MED23: variants seen among roughly 807,000 people sequenced by gnomAD.
The protein encoded by MED23 is mediator of RNA polymerase II transcription subunit 23.
Under a neutral mutation model 163.9 loss-of-function variants are expected in MED23, and 105 were observed. The observed-to-expected ratio is 0.64, with a 90% CI of 0.55 to 0.75. The LOEUF (loss-of-function observed/expected upper bound fraction) is 0.75, where lower values mean the gene tolerates loss of function less well. Ranked by LOEUF, MED23 falls within the 30% of genes least tolerant of loss-of-function variation. The pLI, the probability that MED23 is intolerant of heterozygous loss-of-function variation, is 0.00. For missense variants in MED23, 1,054 were observed against 1,649.0 expected (o/e 0.64, Z 6.25); for synonymous variants, 561 against 565.6 (o/e 0.99, Z 0.12).
At chr6:131,582,408 A>C (rs577341524), downstream of MED23, among the ~76,000 whole-genome samples, 2 of 152,294 alleles carry the variant, frequency 1.3e-5, no homozygotes, top group East Asian at 1.9e-4. Context: ...CTGGGGCACA[A>C]AGTAGGTAAA....
intron 10 of MED23, among the ~76,000 whole-genome samples, chr6:131,612,643 C>T (rs1419402265): frequency 6.6e-6 from 1 of 152,028 alleles, no homozygotes; most frequent in Admixed American, 6.6e-5. Context: ...TAGTTAAAAC[C>T]TGTTTTAAGA....
intron 16 of MED23, 116 bp from the exon 17 acceptor site, chr6:131,602,497 A>G (rs1775558158): frequency 2.2e-6 from 2 of 930,104 alleles, no homozygotes; most frequent in African/African-American, 1.7e-5. Flanking sequence ...CTTTAAAAAA[A>G]CACTTTTGTG....
chr6:131,602,500 C>T, intron 16 of MED23, 119 bp from the exon 17 acceptor site: 1 of 889,170 alleles, frequency 1.1e-6, no homozygotes, highest in Non-Finnish European at 1.7e-6. Flanking sequence ...TAAAAAAACA[C>T]TTTTGTGTGA....
At chr6:131,574,376 C>A in intron 30 of MED23, 1 of 1,517,298 alleles carries the variant, frequency 6.6e-7, no homozygotes. Context: ...TTTGCTTCCC[C>A]TGGAAATCCT....
chr6:131,622,708 T>C (rs1777197233), intron 5 of MED23, among the ~76,000 whole-genome samples: 1 of 152,208 alleles, frequency 6.6e-6, no homozygotes, highest in Admixed American at 6.5e-5. Flanking sequence ...GTGTGATAAA[T>C]CATGATTTAA....
chr6:131,607,136 A>T (rs1775910460), intron 12 of MED23, among the ~76,000 whole-genome samples: 1 of 152,020 alleles, frequency 6.6e-6, no homozygotes. Flanking sequence ...ATTGTCCAAC[A>T]TTAACAAAAA....
Position 131,579,110 on chromosome 6 carries a change from G to C in MED23, c.4096-4815C>G, listed in dbSNP as rs1773782306. On this transcript the variant is annotated intron_variant, in intron 30 of 30. Transcript: ENST00000354577. Reference sequence around the variant, plus strand: ...AGTAACTCAAAACTTTTTAATTTTAGAGTGTGATGTGAAGGATTATGGGGA... The same window carrying C: ...AGTAACTCAAAACTTTTTAATTTTACAGTGTGATGTGAAGGATTATGGGGA... The C allele has an allele frequency of 1.9e-6, 3 of 1,613,962 alleles. No homozygotes were observed. The highest frequency in any genetic ancestry group is 1.1e-5 in the South Asian group (1 of 91,062).
At chr6:131,603,939 A>G (rs1775672444) in intron 15 of MED23, among the ~76,000 whole-genome samples, 2 of 152,094 alleles carry the variant, frequency 1.3e-5, no homozygotes, top group African/African-American at 4.8e-5. Flanking sequence ...TTTTCTTACC[A>G]CTTTACTTAA....
At chr6:131,600,425 G>C (rs1437177726) in intron 17 of MED23, among the ~76,000 whole-genome samples, 1 of 152,152 alleles carries the variant, frequency 6.6e-6, no homozygotes, top group African/African-American at 2.4e-5. Flanking sequence ...CAGAGTACCA[G>C]CGATAACAGT....
rs530791286 is a variant in MED23 at position 131,609,788 on chromosome 6, C to T, written c.1077+258G>A. Among the ~76,000 whole-genome samples, 16 of 149,680 alleles carry T rather than the reference C, an allele frequency of 1.1e-4. No homozygotes were observed. The South Asian group carries it at 3.1e-3, about 29-fold the overall frequency. ...AAGTATCCCCTCCTCTAGTGAGGTG[C>T]TCCTTGAGGATATTACAGTGCCTTT... is the stretch of plus-strand genomic sequence containing the variant. On this transcript the variant is annotated intron_variant, in intron 11 of 28. Transcript: ENST00000368068.
chr6:131,624,547 T>A (rs892077984), intron 4 of MED23, among the ~76,000 whole-genome samples: 1 of 152,176 alleles, frequency 6.6e-6, no homozygotes, highest in African/African-American at 2.4e-5. Context: ...AAACCATGAA[T>A]AATTTTAAAA....
chr6:131,603,128 C>T lies in MED23; in HGVS notation c.1833G>A (p.Arg611=), dbSNP rs1374448208. The part of the protein sequence containing the change: ...LHTLLEMFSY[R]MHHIQPHYRV... Reference sequence around the variant, plus strand: ...TGTAATGAGGCTGAATATGATGCATCCGGTAGCTAAACATCTCAAGGAGTG... The same window carrying T: ...TGTAATGAGGCTGAATATGATGCATTCGGTAGCTAAACATCTCAAGGAGTG... Residue 611 remains arginine, a synonymous_variant, in exon 16 of 29, where the codon CGG becomes CGA. Coordinates refer to ENST00000368068, the MANE Select transcript of MED23 (RefSeq NM_004830.4). The T allele has an allele frequency of 5.0e-6, 8 of 1,613,786 alleles. No homozygotes were observed. In the Admixed American group the frequency reaches 1.2e-4, roughly 24 times the overall value.
chr6:131,611,913 A>G (rs1776303418), intron 10 of MED23, among the ~76,000 whole-genome samples: 1 of 152,162 alleles, frequency 6.6e-6, no homozygotes, highest in Non-Finnish European at 1.5e-5. Flanking sequence ...AGTATTAGCT[A>G]TTTAAGAAAA....
Position 131,618,402 on chromosome 6 carries a change from C to G in MED23, c.780+5G>C. 6.3e-7 allele frequency: 1 copy of G among 1,595,308 alleles called. No individual in the cohort carries two copies. Among genetic ancestry groups the G allele is most frequent in the Non-Finnish European group, 8.6e-7 (1 of 1,163,128 alleles). ...CTAAAAGTGCCATTATATTTAGCAA[C>G]ATACCTTATCATATGGCAAAAGGCC... is the stretch of plus-strand genomic sequence containing the variant. On this transcript the variant is annotated splice_donor_5th_base_variant and intron_variant, in intron 9 of 28. Coordinates refer to ENST00000368068, the MANE Select transcript of MED23 (RefSeq NM_004830.4).
Position 131,607,956 on chromosome 6 carries a change from A to G in MED23, c.1193T>C (p.Leu398Pro). The G allele has an allele frequency of 1.2e-6, 2 of 1,613,906 alleles. No homozygotes were observed. The highest frequency in any genetic ancestry group is 1.7e-6 in the Non-Finnish European group (2 of 1,179,896). ...TTTTTCTGGGTATAGCAAGTCGAAG[A>G]GCTTCATCACAGGGAGAAAATCAGC... is the stretch of plus-strand genomic sequence containing the variant. ...ALADFLPVMK[L>P]FDLLYPEKEY... The change falls in exon 12 of 29, where the codon CTC (leucine) becomes CCC (proline). Residue 398 changes from leucine (L) to proline (P), a missense_variant. Physicochemically the swap from Leu to Pro is moderately conservative, Grantham distance 98. Coordinates refer to ENST00000368068, the MANE Select transcript of MED23 (RefSeq NM_004830.4).
At chr6:131,591,665 T>C in intron 25 of MED23, 138 bp from the exon 26 acceptor site, 1 of 704,744 alleles carries the variant, frequency 1.4e-6, no homozygotes, top group Non-Finnish European at 2.5e-6. Context: ...GGTGGCTTTG[T>C]AACTGGTCAA....
rs530767462 is a variant in MED23, at chr6:131,587,596, T to C, written c.*83A>G. 34 of 1,601,098 alleles carry C rather than the reference T, an allele frequency of 2.1e-5. No individual in the cohort carries two copies. The highest frequency in any genetic ancestry group is 2.9e-5 in the Non-Finnish European group (34 of 1,173,222). On this transcript the variant is annotated 3_prime_UTR_variant, in exon 29 of 29. Coordinates refer to ENST00000368068, the MANE Select transcript of MED23 (RefSeq NM_004830.4). ...CACTGCTTCTACTATATCACTACAGTGTGATCGCATTCAGATTTAAAAGGT... is the reference window on the plus strand; with the variant it reads ...CACTGCTTCTACTATATCACTACAGCGTGATCGCATTCAGATTTAAAAGGT...
rs1485167094 is a variant in MED23 at position 131,587,253 on chromosome 6, T to G, written c.*426A>C. The G allele has an allele frequency of 4.8e-6, 5 of 1,035,888 alleles. No individual in the cohort carries two copies. Among genetic ancestry groups the G allele is most frequent in the South Asian group, 7.4e-5 (2 of 27,070 alleles). 64.2% of individuals were successfully genotyped at this position (1,035,888 alleles called of 1,614,324 possible). A position where few individuals can be genotyped will look rare whatever the true frequency, so the allele number is the denominator to read the frequency against. On this transcript the variant is annotated 3_prime_UTR_variant, in exon 29 of 29. Coordinates refer to ENST00000368068, the MANE Select transcript of MED23 (RefSeq NM_004830.4). ...TTCTGAAAATCTACCAAGAGATTTA[T>G]GTATAAAATATTTGTAATAACTGTT...
chr6:131,607,844 C>CA (rs1775973474), intron 12 of MED23, 84 bp downstream of exon 12: 3 of 1,480,226 alleles, frequency 2.0e-6, no homozygotes, highest in Non-Finnish European at 2.8e-6. Flanking sequence ...TAGAAATACA[C>CA]AAAATCACAC....
Sources: gnomAD v4.1 joint callset for allele counts (sites outside exome capture counted in the v4.1 genomes callset) on GRCh38, gnomAD v4.1.1 for gene constraint, MANE v1.5 for transcripts, NCBI Gene and HGNC (gene_info 2026-07-23, HGNC 2026-07-21) for gene names.